The following TRIO variants were observed in gnomAD, a reference collection of about 807,000 sequenced individuals.
The protein encoded by TRIO is trio Rho guanine nucleotide exchange factor, also known as triple functional domain protein.
A neutral mutation model predicts 351.9 loss-of-function variants in TRIO; 58 were observed. That is an observed-to-expected ratio of 0.16 (90% CI 0.13 to 0.21). TRIO has a LOEUF of 0.21. Ranked by LOEUF, TRIO falls within the 10% of genes least tolerant of loss-of-function variation. The pLI is 1.00. For missense variants in TRIO, 3,201 were observed against 4,027.8 expected, an observed-to-expected ratio of 0.79 and a Z score of 5.56; for synonymous variants, 1,758 against 1,595.7, an observed-to-expected ratio of 1.10 and a Z score of -2.42.
intron 2 of TRIO, among the ~76,000 whole-genome samples, chr5:14,277,060 G>C (rs1398075040): frequency 1.3e-5 from 2 of 152,204 alleles, no homozygotes; most frequent in Non-Finnish European, 2.9e-5. Context: ...TTAATGTTGT[G>C]TGGAATATGG....
chr5:14,424,468 T>C (rs1750471998), intron 34 of TRIO, among the ~76,000 whole-genome samples: 1 of 152,156 alleles, frequency 6.6e-6, no homozygotes, highest in Non-Finnish European at 1.5e-5. Flanking sequence ...GTATGAGTCA[T>C]CTGCAGTGAA....
chr5:14,354,483 C>A (rs939641551), intron 11 of TRIO, among the ~76,000 whole-genome samples: 1 of 152,092 alleles, frequency 6.6e-6, no homozygotes, highest in Non-Finnish European at 1.5e-5. Flanking sequence ...ACTGAGTGAC[C>A]CGGACGCCCT....
chr5:14,413,875 G>C (rs996670558), intron 33 of TRIO, among the ~76,000 whole-genome samples: 1 of 152,202 alleles, frequency 6.6e-6, no homozygotes, highest in African/African-American at 2.4e-5. Context: ...CAGACTCGAA[G>C]CAGGTATTTA....
At chr5:14,441,533 G>T (rs1327826216) in intron 34 of TRIO, among the ~76,000 whole-genome samples, 1 of 152,162 alleles carries the variant, frequency 6.6e-6, no homozygotes, top group Non-Finnish European at 1.5e-5. Flanking sequence ...CTGGGAGATG[G>T]TTTATGGGGG....
intron 20 of TRIO, among the ~76,000 whole-genome samples, chr5:14,380,889 A>G (rs1317839878): frequency 2.0e-5 from 3 of 152,238 alleles, no homozygotes; most frequent in Admixed American, 6.5e-5. Context: ...AAGAAACTCA[A>G]ACTTTTTATT....
At chr5:14,260,119 T>C (rs576320460) in intron 1 of TRIO, among the ~76,000 whole-genome samples, 2 of 152,362 alleles carry the variant, frequency 1.3e-5, no homozygotes, top group Admixed American at 6.5e-5. Flanking sequence ...ATGGGCTTTG[T>C]GTTTCTAATC....
intron 34 of TRIO, among the ~76,000 whole-genome samples, chr5:14,442,913 C>A (rs1752177864): frequency 6.6e-6 from 1 of 152,140 alleles, no homozygotes; most frequent in Admixed American, 6.5e-5. Context: ...ATAGAGCACG[C>A]CCCTCAGGAT....
intron 33 of TRIO, among the ~76,000 whole-genome samples, chr5:14,413,761 A>C (rs1749397760): frequency 6.6e-6 from 1 of 152,234 alleles, no homozygotes; most frequent in African/African-American, 2.4e-5. Flanking sequence ...AATGTTACAA[A>C]TTAAGTGTTT....
chr5:14,313,853 A>AT (rs1739142839), intron 8 of TRIO, among the ~76,000 whole-genome samples: 1 of 152,102 alleles, frequency 6.6e-6, no homozygotes, highest in African/African-American at 2.4e-5. Context: ...CCCATTCAAC[A>AT]TTTTTTACTT....
chr5:14,432,551 G>A (rs26188), intron 34 of TRIO, among the ~76,000 whole-genome samples: 75,774 of 152,148 alleles, frequency 0.5, 22,263 homozygotes, highest in African/African-American at 0.82. Context: ...AGTTTGAATT[G>A]TGATCTAATA....
chr5:14,188,536 G>A (rs1790264676), intron 1 of TRIO, among the ~76,000 whole-genome samples: 1 of 152,104 alleles, frequency 6.6e-6, no homozygotes, highest in African/African-American at 2.4e-5. Flanking sequence ...TTAGCCCCGT[G>A]GGTTTATTTT....
intron 11 of TRIO, among the ~76,000 whole-genome samples, chr5:14,347,322 C>A (rs112542355): frequency 0.021 from 1,648 of 76,776 alleles, 99 homozygotes; most frequent in African/African-American, 0.098. Flanking sequence ...AGAGATGATG[C>A]TGGACCAGTC....
Position 14,509,403 on chromosome 5 carries a change from T to TG in TRIO, c.*984dup. 3.1e-6 allele frequency: 1 copy of TG among 318,374 alleles called. No homozygotes were observed. The highest frequency in any genetic ancestry group is 6.0e-6 in the Non-Finnish European group (1 of 165,710). 19.7% of individuals were successfully genotyped at this position (318,374 alleles called of 1,614,324 possible). ...TTGTGTGTGTGTTGGGGTTGGCGGG[T>TG]GGGTGGGTAGGGTCGTAGCCCTGTG... On this transcript the variant is annotated 3_prime_UTR_variant, in exon 57 of 57. Transcript: ENST00000344204.
intron 11 of TRIO, among the ~76,000 whole-genome samples, chr5:14,355,754 G>C (rs1397950879): frequency 6.6e-6 from 1 of 152,168 alleles, no homozygotes. Flanking sequence ...TCTTATTGAT[G>C]ATAAAGCCTT....
intron 1 of TRIO, among the ~76,000 whole-genome samples, chr5:14,232,796 A>T (rs528960560): frequency 8.5e-5 from 13 of 152,372 alleles, no homozygotes; most frequent in Admixed American, 1.3e-4. Context: ...TATTGTAAAA[A>T]TACATGATAT....
At chr5:14,422,059 G>A (rs995436173) in intron 34 of TRIO, among the ~76,000 whole-genome samples, 6 of 152,182 alleles carry the variant, frequency 3.9e-5, no homozygotes, top group South Asian at 2.1e-4. Context: ...GCCTCTGCCC[G>A]TCCACTCTCT....
At position 14,158,826 on chromosome 5, in the gene TRIO, G is replaced by A. The variant is rs866248036; in HGVS notation, c.157+14944G>A. ...AGCCTGGGCAACAGAGCGATGACAC[G>A]CTGTCTCTTAAATAAATAAATAAAA... On this transcript the variant is annotated intron_variant, in intron 1 of 56. Transcript: ENST00000344204. Among the ~76,000 whole-genome samples, 39 of 152,290 alleles carry A rather than the reference G, an allele frequency of 2.6e-4. 1 individual carries two copies. The highest frequency in any genetic ancestry group is 1.2e-3 in the South Asian group (6 of 4,824).
chr5:14,353,991 C>T (rs1266399286), intron 11 of TRIO, among the ~76,000 whole-genome samples: 3 of 152,242 alleles, frequency 2.0e-5, no homozygotes, highest in Non-Finnish European at 4.4e-5. Context: ...AAATGGCCAG[C>T]CTGCCCCCCT....
chr5:14,461,333 G>C lies in TRIO; in HGVS notation c.5496+22G>C, dbSNP rs1201508128. 3.3e-6 allele frequency: 5 copies of C among 1,519,208 alleles called. No individual in the cohort carries two copies. The East Asian group carries it at 9.3e-5, about 28-fold the overall frequency. 94.1% of individuals were successfully genotyped at this position (1,519,208 alleles called of 1,614,324 possible). A position where few individuals can be genotyped will look rare whatever the true frequency, so the allele number is the denominator to read the frequency against. On this transcript the variant is annotated intron_variant, in intron 35 of 56. Transcript: ENST00000344204. ...GGAGGTGAGGCTCTGCCCGCTGGTTGGGGCCGGCGTGGCGGGGCCCGCTGG... is the reference window on the plus strand; with the variant it reads ...GGAGGTGAGGCTCTGCCCGCTGGTTCGGGCCGGCGTGGCGGGGCCCGCTGG...
Sources: gnomAD v4.1 joint callset for allele counts (sites outside exome capture counted in the v4.1 genomes callset) on GRCh38, gnomAD v4.1.1 for gene constraint, MANE v1.5 for transcripts, NCBI Gene and HGNC (gene_info 2026-07-23, HGNC 2026-07-21) for gene names.